Variants in PCDH11X observed in about 807,000 individuals in gnomAD.
PCDH11X encodes protocadherin-11 X-linked.
Under a neutral mutation model 53.3 loss-of-function variants are expected in PCDH11X, and 18 were observed. The observed-to-expected ratio is 0.34, with a 90% CI of 0.23 to 0.50. The LOEUF is 0.50. Among genes scored for constraint, PCDH11X ranks in the 20% least tolerant of loss-of-function variants. PCDH11X has a pLI of 0.98. For synonymous variants in PCDH11X, 279 were observed against 393.3 expected (o/e 0.71, Z 3.44); for missense variants, 570 against 1,032.4 (o/e 0.55, Z 6.14).
intron 4 of PCDH11X, among the ~76,000 whole-genome samples, chrX:91,827,751 C>T (rs4373686): frequency 0.12 from 13,336 of 110,982 alleles, 1,961 homozygotes; most frequent in African/African-American, 0.41. Context: ...TGGATGATCA[C>T]GTGGTTATAG....
At chrX:91,950,418 A>G (rs984344231) in intron 6 of PCDH11X, among the ~76,000 whole-genome samples, 1 of 108,928 alleles carries the variant, frequency 9.2e-6, no homozygotes, top group African/African-American at 3.3e-5. Context: ...TTGGTTTTTC[A>G]TTCCTGAGTT....
In PCDH11X at chrX:91,877,528, A is replaced by G; in HGVS notation, c.1288A>G (p.Lys430Glu). 5.8e-6 allele frequency: 7 copies of G among 1,211,160 alleles called. No individual in the cohort carries two copies. Among genetic ancestry groups the G allele is most frequent in the Admixed American group, 2.2e-5 (1 of 45,950 alleles). Residue 430 changes from lysine (K) to glutamate (E), a missense_variant, in exon 6 of 11, where the codon AAA becomes GAA. By Grantham distance (56) the Lys-to-Glu change is moderately conservative (BLOSUM62 1). Transcript: ENST00000682573. ...TAAYLDYEST[K>E]EYAIKLLAAD... ...AGCATATCTTGACTATGAGTCCACA[A>G]AAGAATATGCCATTAAATTACTGGC... is the stretch of plus-strand genomic sequence containing the variant.
chrX:92,029,717 A>T (rs143275908), intron 6 of PCDH11X, among the ~76,000 whole-genome samples: 1 of 110,701 alleles, frequency 9.0e-6, no homozygotes, highest in Admixed American at 9.7e-5. Flanking sequence ...ATTGTTTTGA[A>T]CATTAGGTAG....
intron 1 of PCDH11X, among the ~76,000 whole-genome samples, chrX:91,802,034 A>C (rs1935953654): frequency 8.8e-6 from 1 of 113,462 alleles, no homozygotes; most frequent in Non-Finnish European, 1.9e-5. Flanking sequence ...CAAGTGGGGC[A>C]GATACTCTTC....
At chrX:92,061,020 T>C (rs1294840896) in intron 6 of PCDH11X, among the ~76,000 whole-genome samples, 1 of 112,063 alleles carries the variant, frequency 8.9e-6, no homozygotes, top group African/African-American at 3.2e-5. Flanking sequence ...ATAATAGCCA[T>C]TCTTACTGGC....
chrX:92,547,985 C>T (rs960714534), intron 10 of PCDH11X, among the ~76,000 whole-genome samples: 2 of 109,504 alleles, frequency 1.8e-5, no homozygotes, highest in African/African-American at 6.6e-5. Flanking sequence ...TGTAAAGTGT[C>T]AATAGCTTCA....
intron 6 of PCDH11X, among the ~76,000 whole-genome samples, chrX:91,945,275 A>G (rs1331833907): frequency 9.7e-6 from 1 of 103,511 alleles, no homozygotes; most frequent in Non-Finnish European, 2.0e-5. Context: ...CCTTATCTCT[A>G]AAATATGCAA....
intron 10 of PCDH11X, among the ~76,000 whole-genome samples, chrX:92,604,712 A>G (rs1052927802): frequency 9.0e-6 from 1 of 110,604 alleles, no homozygotes; most frequent in African/African-American, 3.3e-5. Flanking sequence ...CACAACCCAG[A>G]TTCAATGCAT....
chrX:91,809,848 A>G (rs1175371911), intron 2 of PCDH11X, among the ~76,000 whole-genome samples: 1 of 110,729 alleles, frequency 9.0e-6, no homozygotes, highest in African/African-American at 3.3e-5. Context: ...AAACACGTCT[A>G]TGGAATTCGA....
In PCDH11X at chrX:91,958,276, G is replaced by T. The variant is rs1361503235; in HGVS notation, c.3033+79003G>T. On this transcript the variant is annotated intron_variant, in intron 6 of 10. Coordinates refer to ENST00000682573, the MANE Select transcript of PCDH11X (RefSeq NM_032968.5). ...TTAACTTGTGAGGTAACAGGAAGTG[G>T]GGCACACAGAACAATGCTGCTTGGC... Among the ~76,000 whole-genome samples the T allele has an allele frequency of 2.7e-5, 3 of 111,925 alleles. No individual in the cohort carries two copies. In the Admixed American group the frequency reaches 2.8e-4, roughly 11 times the overall value.
intron 10 of PCDH11X, among the ~76,000 whole-genome samples, chrX:92,556,394 C>T (rs775475034): frequency 3.6e-5 from 4 of 111,466 alleles, no homozygotes; most frequent in African/African-American, 1.3e-4. Flanking sequence ...TTTCTGGAAA[C>T]AATGAAAGTA....
chrX:92,411,767 T>G (rs1389702484), intron 9 of PCDH11X, among the ~76,000 whole-genome samples: 1 of 105,443 alleles, frequency 9.5e-6, no homozygotes, highest in Non-Finnish European at 1.9e-5. Context: ...TAACAGGAAA[T>G]GGAGATTGAA....
At chrX:91,973,409 G>A (rs2061999206) in intron 6 of PCDH11X, among the ~76,000 whole-genome samples, 1 of 99,181 alleles carries the variant, frequency 1.0e-5, no homozygotes, top group Admixed American at 1.1e-4. Flanking sequence ...TGCACATTGT[G>A]CACATGTACC....
intron 8 of PCDH11X, among the ~76,000 whole-genome samples, chrX:92,350,380 G>A (rs1465728315): frequency 1.8e-5 from 2 of 110,889 alleles, no homozygotes; most frequent in South Asian, 3.8e-4. Flanking sequence ...AAGATCTGGG[G>A]CTCAAAGTCG....
chrX:91,804,697 T>G (rs1056400124), intron 1 of PCDH11X, among the ~76,000 whole-genome samples: 2 of 111,158 alleles, frequency 1.8e-5, no homozygotes, highest in Non-Finnish European at 3.8e-5. Flanking sequence ...TTTGAACCAT[T>G]AGATATTTAT....
chrX:91,869,486 G>T (rs1939165295), intron 5 of PCDH11X, among the ~76,000 whole-genome samples: 3 of 111,358 alleles, frequency 2.7e-5, no homozygotes, highest in African/African-American at 9.8e-5. Context: ...TTCATAAGAG[G>T]AGAAGTAAGG....
intron 7 of PCDH11X, among the ~76,000 whole-genome samples, chrX:92,214,068 C>G (rs1029803853): frequency 7.2e-5 from 8 of 111,407 alleles, no homozygotes; most frequent in African/African-American, 2.0e-4. Flanking sequence ...ACACTGAAAC[C>G]AAGCTGCTAA....
chrX:92,261,773 A>C (rs1388633990), intron 7 of PCDH11X, among the ~76,000 whole-genome samples: 6 of 111,998 alleles, frequency 5.4e-5, no homozygotes, highest in African/African-American at 1.9e-4. Context: ...TTTATCTATT[A>C]TTTAAGTGTA....
intron 7 of PCDH11X, among the ~76,000 whole-genome samples, chrX:92,251,513 G>A (rs2067460908): frequency 9.0e-6 from 1 of 111,012 alleles, no homozygotes; most frequent in Admixed American, 9.6e-5. Context: ...AGCAAATTTG[G>A]TTTTAAACCT....
Sources: allele counts gnomAD v4.1 joint callset (sites outside exome capture counted in the v4.1 genomes callset), GRCh38; gene constraint gnomAD v4.1.1; transcripts MANE v1.5; gene names NCBI Gene and HGNC (gene_info 2026-07-23, HGNC 2026-07-21).